Variants in DMD observed in about 807,000 individuals in gnomAD.
DMD encodes the protein dystrophin, also known as mutant dystrophin.
DMD carries 63 observed loss-of-function variants against 330.1 expected under a neutral mutation model. The ratio of observed to expected loss-of-function variants is 0.19; its 90% CI spans 0.16 to 0.24. DMD has a LOEUF of 0.24. Ranked by LOEUF, DMD falls within the 10% of genes least tolerant of loss-of-function variation. The probability of loss-of-function intolerance (pLI) is 1.00; values close to 1 mark genes in which losing one functional copy is unlikely to be tolerated. For synonymous variants in DMD, 1,223 were observed against 959.8 expected (o/e 1.27, Z -5.07); for missense variants, 3,344 against 2,684.1 (o/e 1.25, Z -5.43).
intron 2 of DMD, among the ~76,000 whole-genome samples, chrX:32,927,426 T>C (rs1225017531): frequency 3.1e-5 from 3 of 97,427 alleles, no homozygotes; most frequent in African/African-American, 1.2e-4. Flanking sequence ...TGGAGTATGA[T>C]GGCCAGATCT....
chrX:32,527,832 G>C (rs1036414259), intron 17 of DMD, among the ~76,000 whole-genome samples: 2 of 111,018 alleles, frequency 1.8e-5, no homozygotes, highest in African/African-American at 6.6e-5. Flanking sequence ...TCCAAATCAA[G>C]ATAGTTTGTA....
chrX:33,222,869 G>C (rs1463092059), intron 1 of DMD, among the ~76,000 whole-genome samples: 1 of 111,813 alleles, frequency 8.9e-6, no homozygotes, highest in Non-Finnish European at 1.9e-5. Context: ...GGATGGGAAG[G>C]CTCAATATTT....
At chrX:31,331,025 T>C (rs1234792096) in intron 61 of DMD, among the ~76,000 whole-genome samples, 1 of 112,424 alleles carries the variant, frequency 8.9e-6, no homozygotes, top group African/African-American at 3.2e-5. Flanking sequence ...GGGCAGACTT[T>C]CCATAAAGAT....
intron 7 of DMD, among the ~76,000 whole-genome samples, chrX:32,802,499 C>T (rs955027508): frequency 9.0e-6 from 1 of 111,666 alleles, no homozygotes; most frequent in Non-Finnish European, 1.9e-5. Flanking sequence ...CTGGCCAGAA[C>T]TTCCAATACT....
intron 1 of DMD, among the ~76,000 whole-genome samples, chrX:33,193,654 C>G (rs2050775796): frequency 8.9e-6 from 1 of 112,129 alleles, no homozygotes; most frequent in Admixed American, 9.5e-5. Flanking sequence ...TTGAAACGCG[C>G]ATGCAAAACT....
At chrX:31,869,702 C>G (rs765943941) in intron 48 of DMD, among the ~76,000 whole-genome samples, 2 of 109,811 alleles carry the variant, frequency 1.8e-5, no homozygotes, top group South Asian at 7.7e-4. Context: ...TTGCTATAAA[C>G]TACAAAGGAC....
chrX:31,124,892 C>T (rs893532990), intron 78 of DMD, among the ~76,000 whole-genome samples: 7 of 111,389 alleles, frequency 6.3e-5, no homozygotes, highest in African/African-American at 1.3e-4. Flanking sequence ...AAAGGAAAGC[C>T]GGAATACTAC....
intron 1 of DMD, among the ~76,000 whole-genome samples, chrX:33,180,718 A>G (rs2049948687): frequency 9.0e-6 from 1 of 111,533 alleles, no homozygotes; most frequent in East Asian, 2.8e-4. Flanking sequence ...TTCAGAGTCA[A>G]TTACAAGTAA....
intron 44 of DMD, among the ~76,000 whole-genome samples, chrX:32,133,446 T>G (rs1450759590): frequency 8.9e-6 from 1 of 111,858 alleles, no homozygotes; most frequent in Non-Finnish European, 1.9e-5. Flanking sequence ...AAATGTTATC[T>G]TATACAAACA....
intron 44 of DMD, among the ~76,000 whole-genome samples, chrX:32,009,149 G>T (rs980741344): frequency 1.8e-5 from 2 of 111,575 alleles, no homozygotes; most frequent in African/African-American, 3.3e-5. Flanking sequence ...ATAACAAGAG[G>T]AAGGAAGAGA....
At chrX:32,958,154 G>A (rs768894490) in intron 2 of DMD, among the ~76,000 whole-genome samples, 17 of 111,337 alleles carry the variant, frequency 1.5e-4, no homozygotes, top group Non-Finnish European at 3.0e-4. Flanking sequence ...AAATATGTTC[G>A]TTCCTAATTC....
At chrX:32,806,002 A>T (rs2076918893) in intron 7 of DMD, among the ~76,000 whole-genome samples, 1 of 112,011 alleles carries the variant, frequency 8.9e-6, no homozygotes, top group Non-Finnish European at 1.9e-5. Flanking sequence ...AACACCATCG[A>T]CACCATGAAG....
At chrX:33,108,627 G>A (rs2095312169) in intron 1 of DMD, among the ~76,000 whole-genome samples, 1 of 105,725 alleles carries the variant, frequency 9.5e-6, no homozygotes, top group South Asian at 4.6e-4. Flanking sequence ...TGTAATCCCA[G>A]CCCTTTGTGA....
chrX:31,767,296 T>C (rs1034784600), intron 51 of DMD, among the ~76,000 whole-genome samples: 3 of 111,714 alleles, frequency 2.7e-5, no homozygotes, highest in Non-Finnish European at 5.6e-5. Flanking sequence ...ATAATCAATC[T>C]CCTCACCCTA....
chrX:32,529,692 A>G (rs2047303106), intron 17 of DMD, among the ~76,000 whole-genome samples: 1 of 111,044 alleles, frequency 9.0e-6, no homozygotes, highest in Non-Finnish European at 1.9e-5. Flanking sequence ...CTTTGCTTAT[A>G]TTGTGGCTTT....
rs55782361 is a variant in DMD at position 31,140,825 on chromosome X, A to C, written c.10921+5466T>G. ...CCTCATACAGTAACGACAATGAGCAAGACTTACATCCTGTCCTTAAGGAGC... is the reference window on the plus strand; with the variant it reads ...CCTCATACAGTAACGACAATGAGCACGACTTACATCCTGTCCTTAAGGAGC... On this transcript the variant is annotated intron_variant, in intron 76 of 78. Coordinates refer to ENST00000357033, the MANE Select transcript of DMD (RefSeq NM_004006.3). 4.0e-3 allele frequency among the ~76,000 whole-genome samples: 444 copies of C among 112,214 alleles called. 1 individual carries two copies. The highest frequency in any genetic ancestry group is 0.014 in the African/African-American group (427 of 30,839).
intron 50 of DMD, among the ~76,000 whole-genome samples, chrX:31,786,430 T>C (rs1327208870): frequency 4.5e-5 from 5 of 111,860 alleles, no homozygotes; most frequent in African/African-American, 9.7e-5. Context: ...TTTTGAGTAC[T>C]ATAATAAATA....
intron 55 of DMD, among the ~76,000 whole-genome samples, chrX:31,526,609 T>C (rs1365114595): frequency 8.9e-6 from 1 of 111,826 alleles, no homozygotes; most frequent in African/African-American, 3.3e-5. Context: ...GGAAAAGAAA[T>C]ACTTCCTATT....
intron 54 of DMD, among the ~76,000 whole-genome samples, chrX:31,653,790 C>G (rs2080604306): frequency 9.0e-6 from 1 of 111,221 alleles, no homozygotes; most frequent in Non-Finnish European, 1.9e-5. Flanking sequence ...AATGAACTTG[C>G]AGAGGCTCAC....
Sources: gnomAD v4.1 joint callset for allele counts (sites outside exome capture counted in the v4.1 genomes callset) on GRCh38, gnomAD v4.1.1 for gene constraint, MANE v1.5 for transcripts, NCBI Gene and HGNC (gene_info 2026-07-23, HGNC 2026-07-21) for gene names.